The following BLTP1 variants were observed in gnomAD, a reference collection of about 807,000 sequenced individuals.
BLTP1 encodes bridge-like lipid transfer protein family member 1.
the BLTP1 span, chr4:122,325,865 C>T: frequency 4.5e-6 from 5 of 1,118,508 alleles, no homozygotes; most frequent in African/African-American, 6.7e-5. Context: ...TTGAAAAATA[C>T]AGTATGGGGA....
At chr4:122,314,724 A>C in the BLTP1 span, among the ~76,000 whole-genome samples, 27 of 152,166 alleles carry the variant, frequency 1.8e-4, no homozygotes, top group Admixed American at 1.8e-3. Flanking sequence ...GAACTGGAAA[A>C]GTTAGAGAAT....
the BLTP1 span, among the ~76,000 whole-genome samples, chr4:122,179,363 A>G: frequency 6.6e-6 from 1 of 152,156 alleles, no homozygotes; most frequent in Non-Finnish European, 1.5e-5. Flanking sequence ...TCCCACCTTT[A>G]TTTGTTCTCT....
At chr4:122,175,064 A>G in the BLTP1 span, 1 of 950,532 alleles carries the variant, frequency 1.1e-6, no homozygotes, top group Non-Finnish European at 1.3e-6. Context: ...AATTTTATTC[A>G]AAGAAGGAAA....
At chr4:122,317,332 C>CAA in the BLTP1 span, among the ~76,000 whole-genome samples, 2 of 131,826 alleles carry the variant, frequency 1.5e-5, no homozygotes. Context: ...ACTCCATCTC[C>CAA]AAAAAAAAAA....
At chr4:122,167,777 G>C in the BLTP1 span, 15 of 985,374 alleles carry the variant, frequency 1.5e-5, no homozygotes, top group South Asian at 5.6e-4. Context: ...TGAGACTTCT[G>C]TTTCTCTCTT....
At chr4:122,207,530 T>TTTTTTTTTTTG in the BLTP1 span, 1 of 1,553,756 alleles carries the variant, frequency 6.4e-7, no homozygotes, top group Admixed American at 2.2e-5. Flanking sequence ...TTTTTTTTTT[T>TTTTTTTTTTTG]TCTTTTGTAG....
At chr4:122,165,774 G>A in the BLTP1 span, among the ~76,000 whole-genome samples, 310 of 137,782 alleles carry the variant, frequency 2.2e-3, 3 homozygotes, top group African/African-American at 7.5e-3. Context: ...TCTAACTGGT[G>A]TGAGATGGTA....
the BLTP1 span, chr4:122,255,371 A>T: frequency 1.1e-6 from 1 of 931,464 alleles, no homozygotes; most frequent in Non-Finnish European, 1.7e-6. Context: ...GCATGTGAGA[A>T]TGGTTAGAAA....
the BLTP1 span, chr4:122,349,036 GTTGT>G: frequency 6.5e-6 from 5 of 771,592 alleles, no homozygotes; most frequent in Admixed American, 1.7e-4. This position sits in a 1 kb window ranked among gnomAD's most constrained non-coding sequence, Gnocchi z 4.5. Context: ...TATAAAGTAT[GTTGT>G]TTCATTGTCA....
At chr4:122,239,536 G>A in the BLTP1 span, 2 of 1,577,452 alleles carry the variant, frequency 1.3e-6, no homozygotes, top group Non-Finnish European at 1.7e-6. Context: ...GAAATTTCAG[G>A]AAACAGCCCT....
chr4:122,193,934 C>T, the BLTP1 span, among the ~76,000 whole-genome samples: 1 of 151,832 alleles, frequency 6.6e-6, no homozygotes, highest in Non-Finnish European at 1.5e-5. Context: ...GGGATCTCGG[C>T]TCACTGCAAG....
chr4:122,280,416 G>C, the BLTP1 span, among the ~76,000 whole-genome samples: 1 of 152,166 alleles, frequency 6.6e-6, no homozygotes, highest in South Asian at 2.1e-4. Context: ...TTAAAGGGCA[G>C]TAAATTTGAG....
the BLTP1 span, among the ~76,000 whole-genome samples, chr4:122,324,872 C>G: frequency 6.6e-6 from 1 of 151,824 alleles, no homozygotes; most frequent in South Asian, 2.1e-4. Flanking sequence ...AAGGTGCATA[C>G]TAGTAGCTAC....
chr4:122,278,053 T>C, the BLTP1 span, among the ~76,000 whole-genome samples: 1 of 152,120 alleles, frequency 6.6e-6, no homozygotes, highest in Non-Finnish European at 1.5e-5. Context: ...AAAATAAATA[T>C]ATTAATATTT....
At chr4:122,201,314 A>G in the BLTP1 span, among the ~76,000 whole-genome samples, 1 of 152,200 alleles carries the variant, frequency 6.6e-6, no homozygotes, top group African/African-American at 2.4e-5. Flanking sequence ...TCTAACCTAA[A>G]CAAGGAAAAT....
At chr4:122,154,988 G>A in the BLTP1 span, 4 of 895,624 alleles carry the variant, frequency 4.5e-6, 1 homozygote, top group South Asian at 1.5e-4. Context: ...GAGAATAATG[G>A]AAGACATGAT....
chr4:122,208,555 TC>T, the BLTP1 span: 1 of 946,594 alleles, frequency 1.1e-6, no homozygotes, highest in Non-Finnish European at 1.3e-6. Context: ...TAGAACATAG[TC>T]CACCTGAGCT....
chr4:122,276,416 A>T, the BLTP1 span: 4 of 968,156 alleles, frequency 4.1e-6, no homozygotes, highest in South Asian at 4.8e-5. Context: ...CTAACAAAAC[A>T]TCTGTACATC....
chr4:122,315,776 T>C, the BLTP1 span: 1 of 1,195,336 alleles, frequency 8.4e-7, no homozygotes, highest in Non-Finnish European at 1.2e-6. Context: ...TAGTATATTA[T>C]AGTTGCTATT....
Sources: gnomAD v4.1 joint callset for allele counts (sites outside exome capture counted in the v4.1 genomes callset) on GRCh38, gnomAD v4.1.1 for gene constraint, Gnocchi (gnomAD v3.1) non-coding constraint, MANE v1.5 for transcripts, NCBI Gene and HGNC (gene_info 2026-07-23, HGNC 2026-07-21) for gene names.